The following RYR3 variants were observed in gnomAD, a reference collection of about 807,000 sequenced individuals.
The protein encoded by RYR3 is brain ryanodine receptor-calcium release channel.
Under a neutral mutation model 584.3 loss-of-function variants are expected in RYR3, and 207 were observed. That is an observed-to-expected ratio of 0.35 (90% confidence interval 0.32 to 0.40). RYR3 has a LOEUF of 0.40. Ranked by LOEUF, RYR3 falls within the 10% of genes least tolerant of loss-of-function variation. The pLI is 1.00. For missense variants in RYR3, 5,616 were observed against 6,089.2 expected, an observed-to-expected ratio of 0.92 and a Z score of 2.59; for synonymous variants, 2,416 against 2,248.5, an observed-to-expected ratio of 1.07 and a Z score of -2.11.
At chr15:33,663,805 A>C in intron 36 of RYR3, 68 bp downstream of exon 36, 8 of 1,367,940 alleles carry the variant, frequency 5.8e-6, no homozygotes, top group Non-Finnish European at 8.1e-6. Context: ...AACAGGGCAC[A>C]TGAAACCTCT....
Position 33,848,157 on chromosome 15 carries a change from C to T in RYR3, c.13498-134C>T, listed in dbSNP as rs961740920. The T allele has an allele frequency of 2.7e-6, 3 of 1,094,734 alleles. No homozygotes were observed. The African/African-American group carries it at 4.8e-5, about 17-fold the overall frequency. 67.8% of individuals were successfully genotyped at this position (1,094,734 alleles called of 1,614,324 possible). A position where few individuals can be genotyped will look rare whatever the true frequency, so the allele number is the denominator to read the frequency against. On this transcript the variant is annotated intron_variant, in intron 93 of 103. Coordinates refer to ENST00000634891, the MANE Select transcript of RYR3 (RefSeq NM_001036.6). The stretch of plus-strand genomic sequence containing the variant: ...GATTCATTTGGCTTTGATCCCACAA[C>T]TAGGCACTCTAAGAATTCCACTATA...
At chr15:33,858,037 C>G (rs1357646923) in intron 99 of RYR3, 123 bp downstream of exon 99, 1 of 1,258,248 alleles carries the variant, frequency 7.9e-7, no homozygotes, top group Non-Finnish European at 1.1e-6. Context: ...TTACAGAGCA[C>G]AGCAGAGATT....
intron 1 of RYR3, among the ~76,000 whole-genome samples, chr15:33,430,347 G>C (rs772441404): frequency 2.6e-5 from 4 of 152,192 alleles, no homozygotes; most frequent in Non-Finnish European, 5.9e-5. Context: ...GGCACATCGA[G>C]GCTATACATT....
chr15:33,785,124 C>T (rs1567165520), intron 65 of RYR3, among the ~76,000 whole-genome samples: 2 of 152,156 alleles, frequency 1.3e-5, no homozygotes, highest in African/African-American at 4.8e-5. Context: ...TGCTTTTCCC[C>T]CCAGAATTCC....
chr15:33,594,503 T>C (rs12901865), intron 16 of RYR3, among the ~76,000 whole-genome samples: 21,858 of 152,286 alleles, frequency 0.14, 1,621 homozygotes, highest in Middle Eastern at 0.19. Flanking sequence ...CAGCAACATT[T>C]GAAGCAAAAA....
chr15:33,734,477 T>C (rs1016280020), intron 48 of RYR3, among the ~76,000 whole-genome samples: 2 of 152,148 alleles, frequency 1.3e-5, no homozygotes, highest in African/African-American at 4.8e-5. Context: ...CTTTAATTTG[T>C]AATTGGTTGG....
At chr15:33,572,359 G>A (rs1056986327) in intron 12 of RYR3, among the ~76,000 whole-genome samples, 7 of 152,030 alleles carry the variant, frequency 4.6e-5, no homozygotes, top group African/African-American at 1.7e-4. Flanking sequence ...AGACAAGCCT[G>A]TGACTATTTG....
chr15:33,653,755 A>G (rs533649117), intron 32 of RYR3, among the ~76,000 whole-genome samples: 5 of 152,136 alleles, frequency 3.3e-5, no homozygotes, highest in African/African-American at 9.6e-5. Flanking sequence ...CAGGAAAACC[A>G]CCTGTTATAC....
At chr15:33,374,359 A>AGTGTGTGTGTGT (rs1454263422) in intron 1 of RYR3, among the ~76,000 whole-genome samples, 19 of 128,550 alleles carry the variant, frequency 1.5e-4, no homozygotes, top group Non-Finnish European at 2.8e-4. Flanking sequence ...TTCCTGTACG[A>AGTGTGTGTGTGT]GTGTATGTGT....
At chr15:33,676,894 T>C (rs1207101056) in intron 38 of RYR3, among the ~76,000 whole-genome samples, 1 of 152,188 alleles carries the variant, frequency 6.6e-6, no homozygotes, top group East Asian at 1.9e-4. Flanking sequence ...CCCTCTCTTT[T>C]GGTAGCCTGT....
chr15:33,716,271 C>G (rs1022150947), intron 43 of RYR3, among the ~76,000 whole-genome samples: 2 of 152,090 alleles, frequency 1.3e-5, no homozygotes, highest in Non-Finnish European at 2.9e-5. Context: ...TATGGCAATG[C>G]AAGAATGGCC....
intron 9 of RYR3, among the ~76,000 whole-genome samples, chr15:33,548,948 A>G (rs1332568955): frequency 6.6e-6 from 1 of 152,108 alleles, no homozygotes; most frequent in Non-Finnish European, 1.5e-5. Flanking sequence ...CCCCGAAAAT[A>G]TGTTCAAAAT....
At chr15:33,798,635 G>C (rs2075756875) in intron 67 of RYR3, among the ~76,000 whole-genome samples, 1 of 152,178 alleles carries the variant, frequency 6.6e-6, no homozygotes, top group Non-Finnish European at 1.5e-5. Context: ...CATAGCTATA[G>C]TTAAAGGGAA....
chr15:33,616,590 G>A (rs2060464138), intron 19 of RYR3, among the ~76,000 whole-genome samples: 1 of 152,198 alleles, frequency 6.6e-6, no homozygotes, highest in Non-Finnish European at 1.5e-5. Context: ...AACTGCTGAG[G>A]AAATTTAAGA....
intron 68 of RYR3, among the ~76,000 whole-genome samples, chr15:33,801,317 C>T (rs531446683): frequency 2.1e-4 from 32 of 152,154 alleles, no homozygotes; most frequent in African/African-American, 7.2e-4. Flanking sequence ...GATGAAGTCT[C>T]ATATGTGGCC....
intron 28 of RYR3, 25 bp downstream of exon 28, chr15:33,644,544 C>T (rs1320427429): frequency 4.4e-6 from 7 of 1,585,194 alleles, no homozygotes; most frequent in Non-Finnish European, 6.1e-6. Flanking sequence ...TGTGTGTGGC[C>T]CTGGCAGGTC....
At chr15:33,735,596 A>C (rs1232684077) in intron 48 of RYR3, among the ~76,000 whole-genome samples, 1 of 152,222 alleles carries the variant, frequency 6.6e-6, no homozygotes, top group Non-Finnish European at 1.5e-5. Context: ...TGGCAATGTA[A>C]AAAAAGCAAA....
At chr15:33,749,877 G>A in intron 55 of RYR3, 102 bp from the exon 56 acceptor site, 1 of 895,436 alleles carries the variant, frequency 1.1e-6, no homozygotes, top group Non-Finnish European at 1.8e-6. Context: ...TTAGTGTTCA[G>A]TGGTGTGCTT....
chr15:33,432,668 T>TTGTGTGTGTGTGTGTGTG lies in RYR3; in HGVS notation c.52-40739_52-40722dup, dbSNP rs58292418. 9.6e-3 allele frequency among the ~76,000 whole-genome samples: 1,272 copies of TTGTGTGTGTGTGTGTGTG among 132,134 alleles called. 21 individuals are homozygous for TTGTGTGTGTGTGTGTGTG. The highest frequency in any genetic ancestry group is 0.03 in the African/African-American group (942 of 31,640). 86.7% of individuals were successfully genotyped at this position (132,134 alleles called of 152,430 possible). ...GGTGCCCACGACCACGCCTAGCTAA[T>TTGTGTGTGTGTGTGTGTG]TGTGTGTGTGTGTGTGTGTGTGTGT... On this transcript the variant is annotated intron_variant, in intron 1 of 103. Coordinates refer to ENST00000634891, the MANE Select transcript of RYR3 (RefSeq NM_001036.6).
Sources: gnomAD v4.1 joint callset for allele counts (sites outside exome capture counted in the v4.1 genomes callset) on GRCh38, gnomAD v4.1.1 for gene constraint, MANE v1.5 for transcripts, NCBI Gene and HGNC (gene_info 2026-07-23, HGNC 2026-07-21) for gene names.